Variants in DMGDH observed in about 807,000 individuals in gnomAD.
DMGDH encodes the protein dimethylglycine dehydrogenase, mitochondrial.
In DMGDH, 76 loss-of-function variants were observed where a neutral mutation model predicts 95.2. That is an observed-to-expected ratio of 0.80 (90% CI 0.66 to 0.97). DMGDH has a LOEUF of 0.97. Among genes scored for constraint, DMGDH ranks in the 50% least tolerant of loss-of-function variants. DMGDH has a pLI of 0.00. For missense variants in DMGDH, 987 were observed against 1,055.0 expected (o/e 0.94, Z 0.89); for synonymous variants, 345 against 377.6 (o/e 0.91, Z 1.00).
At chr5:79,050,683 T>C (rs979400175) in intron 5 of DMGDH, among the ~76,000 whole-genome samples, 1 of 152,262 alleles carries the variant, frequency 6.6e-6, no homozygotes, top group Non-Finnish European at 1.5e-5. Context: ...CCAAGTAACA[T>C]GACCCTTTTG....
At chr5:79,063,918 T>A in intron 1 of DMGDH, 131 bp from the exon 2 acceptor site, 1 of 1,016,760 alleles carries the variant, frequency 9.8e-7, no homozygotes, top group Non-Finnish European at 1.5e-6. Context: ...GATACTGATT[T>A]AATAATTTGG....
At chr5:79,021,252 A>G (rs144203022) in intron 14 of DMGDH, 6 of 1,021,012 alleles carry the variant, frequency 5.9e-6, no homozygotes, top group African/African-American at 5.1e-5. Context: ...GGTTATCTTC[A>G]CAATTACGGC....
At position 79,042,483 on chromosome 5, in the gene DMGDH, TA is replaced by T; in HGVS notation, c.995-3del. ...ACTCAAAGAGTTCCTTTCCAAAACC[TA>T]AAAAGATTTGCCCTTGTGGTCAGGA... On this transcript the variant is annotated splice_region_variant and splice_polypyrimidine_tract_variant and intron_variant, in intron 6 of 15. Coordinates refer to ENST00000255189, the MANE Select transcript of DMGDH (RefSeq NM_013391.3). The T allele has an allele frequency of 6.2e-7, 1 of 1,614,162 alleles. No homozygotes were observed. The highest frequency in any genetic ancestry group is 8.5e-7 in the Non-Finnish European group (1 of 1,179,998).
In DMGDH at chr5:79,028,476, C is replaced by A. The variant is rs772538263; in HGVS notation, c.1989G>T (p.Lys663Asn). 2.3e-5 allele frequency: 37 copies of A among 1,614,016 alleles called. No individual in the cohort carries two copies. The highest frequency in any genetic ancestry group is 3.1e-5 in the Non-Finnish European group (36 of 1,179,994). The change falls in exon 12 of 16, where the codon AAG becomes AAT. Residue 663 changes from lysine to asparagine, a missense_variant. Transcript: ENST00000255189. ...TAGCAGTGACAGGAATGTTGGAAACCTTTAAGGACTTGGTTTGAAGAAACT... is the reference window on the plus strand; with the variant it reads ...TAGCAGTGACAGGAATGTTGGAAACATTTAAGGACTTGGTTTGAAGAAACT... ...VFKFLQTKSL[K>N]VSNIPVTAIR...
intron 2 of DMGDH, among the ~76,000 whole-genome samples, chr5:79,062,087 G>C (rs1038779143): frequency 7.2e-5 from 11 of 152,042 alleles, no homozygotes; most frequent in Admixed American, 7.2e-4. Context: ...ACATTTCCCT[G>C]CCTAAATGAT....
chr5:79,050,278 A>ATG (rs1181362873), intron 5 of DMGDH, among the ~76,000 whole-genome samples: 1 of 24,304 alleles, frequency 4.1e-5, no homozygotes, highest in Non-Finnish European at 8.8e-5. Flanking sequence ...AAAAAAATAT[A>ATG]TATATATATA....
intron 5 of DMGDH, among the ~76,000 whole-genome samples, chr5:79,050,266 AAAAAAAAATAT>A (rs1222757971): frequency 7.0e-4 from 39 of 56,070 alleles, no homozygotes; most frequent in African/African-American, 2.9e-3. Flanking sequence ...AAAAAAAAAA[AAAAAAAAATAT>A]ATATATATAT....
rs192307313 is a variant in DMGDH at position 79,032,775 on chromosome 5, T to G, written c.1429A>C (p.Arg477=). ...CCCATGGAACACTTAGACTCCAGCC[T>G]TTGATAGAGCCCACTGACTCGTTGA... ...PTQRVSGLYQ[R]LESKCSMGFH... is the part of the protein sequence containing the mutation. Residue 477 remains arginine, a synonymous_variant, in exon 9 of 16, where the codon AGG becomes CGG. Coordinates refer to ENST00000255189, the MANE Select transcript of DMGDH (RefSeq NM_013391.3). 262 of 1,614,210 alleles carry G rather than the reference T, an allele frequency of 1.6e-4. 3 individuals are homozygous for G. In the East Asian group the frequency reaches 2.8e-3, roughly 17 times the overall value.
intron 13 of DMGDH, 91 bp downstream of exon 13, chr5:79,026,333 A>C: frequency 8.5e-6 from 13 of 1,538,036 alleles, no homozygotes; most frequent in Non-Finnish European, 1.2e-5. Context: ...TCTTACAGCC[A>C]AAACCAATGT....
Position 79,069,637 on chromosome 5 carries a change from AGGGCGCAGGCGCCTGCTCCGAGGCCAGC to A in DMGDH, c.-45_-18del. ...ACGGAGCATGACTAGGCCGAGGCCG[AGGGCGCAGGCGCCTGCTCCGAGGCCAGC>A]GGGCAGCCTGAGGCCGCGGGGCCGG... On this transcript the variant is annotated 5_prime_UTR_variant, in exon 1 of 16. Coordinates refer to ENST00000255189, the MANE Select transcript of DMGDH (RefSeq NM_013391.3). 1 of 1,352,198 alleles carries A rather than the reference AGGGCGCAGGCGCCTGCTCCGAGGCCAGC, an allele frequency of 7.4e-7. No individual in the cohort carries two copies. The highest frequency in any genetic ancestry group is 9.5e-7 in the Non-Finnish European group (1 of 1,052,470). 83.8% of individuals were successfully genotyped at this position (1,352,198 alleles called of 1,614,324 possible). A position where few individuals can be genotyped will look rare whatever the true frequency, so the allele number is the denominator to read the frequency against.
At chr5:79,038,987 G>C (rs1754425693) in intron 7 of DMGDH, among the ~76,000 whole-genome samples, 1 of 151,504 alleles carries the variant, frequency 6.6e-6, no homozygotes, top group South Asian at 2.1e-4. Flanking sequence ...TCAGAGAAAT[G>C]CAAATCAAAA....
At chr5:79,066,437 C>A (rs999277713) in intron 1 of DMGDH, among the ~76,000 whole-genome samples, 2 of 152,054 alleles carry the variant, frequency 1.3e-5, no homozygotes, top group African/African-American at 4.8e-5. Flanking sequence ...AGGCGCCCAC[C>A]ACCACGCCCG....
chr5:79,044,686 C>G, intron 5 of DMGDH, 134 bp from the exon 6 acceptor site: 1 of 1,053,964 alleles, frequency 9.5e-7, no homozygotes, highest in Non-Finnish European at 1.4e-6. Flanking sequence ...AATGTCATAA[C>G]AATCTAAACT....
At position 79,032,804 on chromosome 5, in the gene DMGDH, G is replaced by A. The variant is rs372669786; in HGVS notation, c.1400C>T (p.Pro467Leu). 16 of 1,613,956 alleles carry A rather than the reference G, an allele frequency of 9.9e-6. No individual in the cohort carries two copies. The highest frequency in any genetic ancestry group is 6.6e-5 in the South Asian group (6 of 91,074). ...ATAGAGCCCACTGACTCGTTGAGTCGGCCTCCCAGCAAACCGTTCTTCTTT... is the reference window on the plus strand; with the variant it reads ...ATAGAGCCCACTGACTCGTTGAGTCAGCCTCCCAGCAAACCGTTCTTCTTT... ...YPKEERFAGR[P>L]TQRVSGLYQR... Residue 467 changes from proline to leucine, a missense_variant, in exon 9 of 16, where the codon CCG becomes CTG. By Grantham distance (98) the Pro-to-Leu change is moderately conservative (BLOSUM62 -3). Coordinates refer to ENST00000255189, the MANE Select transcript of DMGDH (RefSeq NM_013391.3).
chr5:79,006,372 A>T (rs1753546483), intron 14 of DMGDH, among the ~76,000 whole-genome samples: 1 of 152,200 alleles, frequency 6.6e-6, no homozygotes, highest in African/African-American at 2.4e-5. Flanking sequence ...ATTCTACTCA[A>T]CCAAATGCCA....
Position 79,005,426 on chromosome 5 carries a change from A to G in DMGDH, c.2251-19T>C. ...CTGCTGGCTGCAGGAATCCAAGATA[A>G]TGATGATGAATGAATGCTCAGACAC... is the stretch of plus-strand genomic sequence containing the variant. On this transcript the variant is annotated intron_variant, in intron 14 of 15. Coordinates refer to ENST00000255189, the MANE Select transcript of DMGDH (RefSeq NM_013391.3). 1.2e-6 allele frequency: 2 copies of G among 1,614,006 alleles called. No individual in the cohort carries two copies. The highest frequency in any genetic ancestry group is 2.2e-5 in the South Asian group (2 of 91,034).
Position 79,044,417 on chromosome 5 carries a change from A to T in DMGDH, c.881T>A (p.Leu294Gln). Residue 294 changes from leucine (L) to glutamine (Q), a missense_variant, in exon 6 of 16, where the codon CTG becomes CAG. Coordinates refer to ENST00000255189, the MANE Select transcript of DMGDH (RefSeq NM_013391.3). ...CTGTCGGAGATAATATGATCCTTCC[A>T]GGTCACGGAGCACAGGCAGTTCTCG... ...LKRELPVLRD[L>Q]EGSYYLRQER... The T allele has an allele frequency of 1.9e-6, 3 of 1,614,224 alleles. No homozygotes were observed. In the South Asian group the frequency reaches 3.3e-5, roughly 18 times the overall value.
At chr5:79,050,261 AAAAAAAAAAAAAATATATATATAT>A (rs1754807007) in intron 5 of DMGDH, among the ~76,000 whole-genome samples, 1 of 62,104 alleles carries the variant, frequency 1.6e-5, no homozygotes, top group Non-Finnish European at 3.3e-5. Flanking sequence ...AAAAAAAAAA[AAAAAAAAAAAAAATATATATATAT>A]ATATATATAT....
chr5:79,069,348 G>C (rs974870263), intron 1 of DMGDH, among the ~76,000 whole-genome samples, 172 bp downstream of exon 1: 1 of 152,192 alleles, frequency 6.6e-6, no homozygotes, highest in Non-Finnish European at 1.5e-5. Flanking sequence ...GACTTTACAC[G>C]GGGAACCTTT....
Sources: allele counts gnomAD v4.1 joint callset (sites outside exome capture counted in the v4.1 genomes callset), GRCh38; gene constraint gnomAD v4.1.1; transcripts MANE v1.5; gene names NCBI Gene and HGNC (gene_info 2026-07-23, HGNC 2026-07-21).